The following CHST8 variants were observed in gnomAD, a reference collection of about 807,000 sequenced individuals.
CHST8 encodes GALNAC-4-ST1.
Under a neutral mutation model 15.0 loss-of-function variants are expected in CHST8, and 10 were observed. The ratio of observed to expected loss-of-function variants is 0.67; its 90% CI spans 0.41 to 1.13. The LOEUF (loss-of-function observed/expected upper bound fraction) is 1.13, where lower values mean the gene tolerates loss of function less well. Among genes scored for constraint, CHST8 ranks in the 50% most tolerant of loss-of-function variants. The pLI is 0.00. For missense variants in CHST8, 634 were observed against 608.2 expected, an observed-to-expected ratio of 1.04 and a Z score of -0.45; for synonymous variants, 259 against 256.6, an observed-to-expected ratio of 1.01 and a Z score of -0.09.
intron 2 of CHST8, among the ~76,000 whole-genome samples, chr19:33,671,385 G>C (rs1023343840): frequency 6.6e-6 from 1 of 152,132 alleles, no homozygotes; most frequent in Non-Finnish European, 1.5e-5. Flanking sequence ...AGGCCAACCT[G>C]TTTCTGCCTG....
At chr19:33,630,201 T>C (rs1270158261) in intron 1 of CHST8, among the ~76,000 whole-genome samples, 4 of 152,346 alleles carry the variant, frequency 2.6e-5, no homozygotes, top group Admixed American at 2.6e-4. Flanking sequence ...ACCTGCCATA[T>C]GCAGAGCCTC....
At chr19:33,733,751 T>C (rs1489758277) in intron 3 of CHST8, among the ~76,000 whole-genome samples, 1 of 152,194 alleles carries the variant, frequency 6.6e-6, no homozygotes, top group African/African-American at 2.4e-5. Flanking sequence ...TGCAGGCCCT[T>C]CCTTCAGCTC....
intron 3 of CHST8, 87 bp from the exon 4 acceptor site, chr19:33,771,326 T>C (rs896420328): frequency 7.5e-7 from 1 of 1,326,276 alleles, no homozygotes; most frequent in African/African-American, 1.4e-5. Context: ...CCAGCCTGGA[T>C]GTCCACAGCC....
intron 3 of CHST8, among the ~76,000 whole-genome samples, chr19:33,700,858 C>A (rs1049942353): frequency 6.6e-6 from 1 of 152,160 alleles, no homozygotes; most frequent in Non-Finnish European, 1.5e-5. Flanking sequence ...ACATAGATTG[C>A]AGTGTGAAGG....
chr19:33,771,163 C>A (rs1974974341), intron 3 of CHST8, among the ~76,000 whole-genome samples: 1 of 152,130 alleles, frequency 6.6e-6, no homozygotes, highest in Non-Finnish European at 1.5e-5. Context: ...CATCAGGAGG[C>A]AGGCGTGATG....
chr19:33,622,456 G>A (rs557467284), intron 1 of CHST8, among the ~76,000 whole-genome samples, 160 bp downstream of exon 1: 1 of 152,300 alleles, frequency 6.6e-6, no homozygotes, highest in East Asian at 1.9e-4. Flanking sequence ...GCGGAGGTGG[G>A]CGCGCGGGGC....
intron 3 of CHST8, among the ~76,000 whole-genome samples, chr19:33,695,193 G>A (rs1026795537): frequency 2.6e-5 from 4 of 151,960 alleles, no homozygotes; most frequent in East Asian, 1.9e-4. Context: ...GTGATCTCCC[G>A]CCTCAGCCTC....
chr19:33,758,180 C>T lies in CHST8; in HGVS notation c.131-13233C>T, dbSNP rs147242988. On this transcript the variant is annotated intron_variant, in intron 3 of 4. Coordinates refer to ENST00000650847, the MANE Select transcript of CHST8 (RefSeq NM_001127895.2). ...TGACCCCTCAGCTGCAGCTGCCCCT[C>T]GGTGTTCCCTGAGATGCCAGAGAGA... Among the ~76,000 whole-genome samples, 303 of 145,632 alleles carry T rather than the reference C, an allele frequency of 2.1e-3. 3 individuals are homozygous for T. The highest frequency in any genetic ancestry group is 6.9e-3 in the African/African-American group (272 of 39,246).
At chr19:33,708,140 T>C (rs1018162887) in intron 3 of CHST8, among the ~76,000 whole-genome samples, 16 of 152,266 alleles carry the variant, frequency 1.1e-4, no homozygotes, top group African/African-American at 3.9e-4. Context: ...TTTCTAGATA[T>C]AAGTATTATT....
At chr19:33,648,902 CTTTTT>C (rs376386370) in intron 1 of CHST8, among the ~76,000 whole-genome samples, 6 of 99,974 alleles carry the variant, frequency 6.0e-5, no homozygotes, top group East Asian at 5.6e-4. Flanking sequence ...GAATGAAGCA[CTTTTT>C]TTTTTTTTTT....
chr19:33,689,385 G>T lies in CHST8; in HGVS notation c.124G>T (p.Val42Leu). ...QDPTELAPQQ[V>L]PGIKFNIRPR... The stretch of plus-strand genomic sequence containing the variant: ...CCCTACGGAGCTCGCCCCCCAGCAG[G>T]TGCCAGGTGAGTCCTTGCGCTGAGT... Residue 42 changes from valine to leucine, a missense_variant, in exon 3 of 5, where the codon GTG becomes TTG. Coordinates refer to ENST00000650847, the MANE Select transcript of CHST8 (RefSeq NM_001127895.2). 2 of 1,592,794 alleles carry T rather than the reference G, an allele frequency of 1.3e-6. No homozygotes were observed. The highest frequency in any genetic ancestry group is 1.3e-5 in the African/African-American group (1 of 74,222).
At chr19:33,764,361 G>A (rs570181703) in intron 3 of CHST8, among the ~76,000 whole-genome samples, 6 of 152,292 alleles carry the variant, frequency 3.9e-5, no homozygotes, top group East Asian at 1.9e-4. Context: ...CCAGCTGGGC[G>A]TGGTGGCTCA....
intron 2 of CHST8, among the ~76,000 whole-genome samples, chr19:33,675,601 C>G (rs1972799116): frequency 6.6e-6 from 1 of 152,224 alleles, no homozygotes; most frequent in Non-Finnish European, 1.5e-5. Context: ...AGCTGGTTTC[C>G]TGGCAACACC....
At chr19:33,686,813 T>C (rs941127742) in intron 2 of CHST8, among the ~76,000 whole-genome samples, 1 of 152,158 alleles carries the variant, frequency 6.6e-6, no homozygotes, top group African/African-American at 2.4e-5. Context: ...GGACCATCGA[T>C]GGTATGTGTG....
In CHST8 at chr19:33,773,064, G is replaced by T. The variant is rs1319499743; in HGVS notation, c.*1G>T. On this transcript the variant is annotated 3_prime_UTR_variant, in exon 5 of 5. Coordinates refer to ENST00000650847, the MANE Select transcript of CHST8 (RefSeq NM_001127895.2). ...CAAGCCCTTTGCAGATCTGTACTGA[G>T]GGGCGCCGCAGCTGGCCGGGGCCGC... 6.3e-7 allele frequency: 1 copy of T among 1,588,838 alleles called. No homozygotes were observed. Among genetic ancestry groups the T allele is most frequent in the East Asian group, 2.2e-5 (1 of 44,556 alleles).
intron 2 of CHST8, among the ~76,000 whole-genome samples, chr19:33,670,811 G>T (rs1175876754): frequency 6.6e-6 from 1 of 152,172 alleles, no homozygotes; most frequent in Admixed American, 6.5e-5. Flanking sequence ...AGTAGTCACT[G>T]ACATGAGCAA....
intron 3 of CHST8, among the ~76,000 whole-genome samples, chr19:33,768,285 G>A (rs567101058): frequency 6.6e-6 from 1 of 152,234 alleles, no homozygotes; most frequent in South Asian, 2.1e-4. Context: ...ATTCGAAAGT[G>A]AACTTGTAGC....
chr19:33,650,441 A>G (rs34533905), intron 1 of CHST8, among the ~76,000 whole-genome samples: 31,293 of 149,604 alleles, frequency 0.21, 4,651 homozygotes, highest in African/African-American at 0.42. Context: ...TAAATTATCA[A>G]GTTGGAAGGA....
At chr19:33,751,135 C>A (rs560517958) in intron 3 of CHST8, among the ~76,000 whole-genome samples, 1 of 152,168 alleles carries the variant, frequency 6.6e-6, no homozygotes, top group Non-Finnish European at 1.5e-5. Flanking sequence ...GGCCAAAAAG[C>A]CTTCCCAGCA....
Sources: allele counts gnomAD v4.1 joint callset (sites outside exome capture counted in the v4.1 genomes callset), GRCh38; gene constraint gnomAD v4.1.1; transcripts MANE v1.5; gene names NCBI Gene and HGNC (gene_info 2026-07-23, HGNC 2026-07-21).